The following DLGAP1 variants were observed in gnomAD, a reference collection of about 807,000 sequenced individuals.
DLGAP1 encodes DLG associated protein 1, also known as disks large-associated protein 1.
DLGAP1 carries 11 observed loss-of-function variants against 90.8 expected under a neutral mutation model. That is an observed-to-expected ratio of 0.12 (90% CI 0.08 to 0.20). The LOEUF (loss-of-function observed/expected upper bound fraction) is 0.20. Ranked by LOEUF, DLGAP1 falls within the 10% of genes least tolerant of loss-of-function variation. The pLI is 1.00. For synonymous variants in DLGAP1, 558 were observed against 540.7 expected (o/e 1.03, Z -0.44); for missense variants, 1,050 against 1,333.8 (o/e 0.79, Z 3.31).
At chr18:4,089,421 TG>T (rs1341043405) in intron 2 of DLGAP1, among the ~76,000 whole-genome samples, 6 of 152,132 alleles carry the variant, frequency 3.9e-5, no homozygotes, top group Non-Finnish European at 7.4e-5. Context: ...AAACTACCAT[TG>T]ACATTCTTCG....
At position 3,879,448 on chromosome 18, in the gene DLGAP1, G is replaced by A. The variant is rs1002506210; in HGVS notation, c.621C>T (p.Asn207=). 57 of 1,607,512 alleles carry A rather than the reference G, an allele frequency of 3.5e-5. No homozygotes were observed. The highest frequency in any genetic ancestry group is 4.6e-5 in the Non-Finnish European group (54 of 1,179,952). ...TSPGWWSSDD[N]LDGDMCIYHA... ...GGTAGATGCACATGTCACCATCCAGGTTGTCGTCCGAGCTCCACCAGCCCG... is the reference window on the plus strand; with the variant it reads ...GGTAGATGCACATGTCACCATCCAGATTGTCGTCCGAGCTCCACCAGCCCG... The change falls in exon 4 of 13, where the codon AAC becomes AAT. Residue 207 remains asparagine (N), a synonymous_variant. Coordinates refer to ENST00000315677, the MANE Select transcript of DLGAP1 (RefSeq NM_004746.4). The surrounding 1 kb of genome is among the most constrained non-coding windows in gnomAD (Gnocchi z 6.6).
intron 1 of DLGAP1, among the ~76,000 whole-genome samples, chr18:4,262,775 G>A (rs2079027945): frequency 6.6e-6 from 1 of 152,086 alleles, no homozygotes; most frequent in East Asian, 1.9e-4. Flanking sequence ...CTCAATTTCA[G>A]CATGCCTCTG....
intron 4 of DLGAP1, among the ~76,000 whole-genome samples, chr18:3,836,141 A>G (rs1439539994): frequency 6.6e-6 from 1 of 152,210 alleles, no homozygotes; most frequent in Non-Finnish European, 1.5e-5. Context: ...CTGGGTAGGT[A>G]TACAGGAGAA....
At chr18:4,020,755 G>A (rs1244404978) in intron 2 of DLGAP1, among the ~76,000 whole-genome samples, 2 of 152,146 alleles carry the variant, frequency 1.3e-5, no homozygotes, top group Non-Finnish European at 2.9e-5. Flanking sequence ...GGGACCAGTC[G>A]GCCTTTGTAG....
chr18:3,726,392 A>G (rs1266074398), intron 7 of DLGAP1, among the ~76,000 whole-genome samples: 1 of 152,142 alleles, frequency 6.6e-6, no homozygotes, highest in African/African-American at 2.4e-5. Flanking sequence ...AAGAAAATGA[A>G]TATGACAGTA....
intron 3 of DLGAP1, chr18:3,978,372 G>T (rs774148937): frequency 6.2e-5 from 21 of 338,112 alleles, no homozygotes; most frequent in Non-Finnish European, 8.8e-5. Flanking sequence ...ATTTTCGTGG[G>T]ATCTCGCCTT....
chr18:4,304,704 G>A (rs1376430856), intron 1 of DLGAP1, among the ~76,000 whole-genome samples: 1 of 152,210 alleles, frequency 6.6e-6, no homozygotes, highest in South Asian at 2.1e-4. Context: ...GCTGAGGAGG[G>A]TGGATCACCT....
At chr18:4,117,113 T>A (rs921711864) in intron 2 of DLGAP1, among the ~76,000 whole-genome samples, 7 of 152,114 alleles carry the variant, frequency 4.6e-5, no homozygotes, top group Non-Finnish European at 8.8e-5. Context: ...AAAGGGAAGA[T>A]CACGTGAAGA....
At chr18:4,291,537 GATT>G (rs2079848693) in intron 1 of DLGAP1, among the ~76,000 whole-genome samples, 1 of 151,544 alleles carries the variant, frequency 6.6e-6, no homozygotes, top group African/African-American at 2.4e-5. Flanking sequence ...ATAAATTTTG[GATT>G]ATTTTATACA....
chr18:3,638,812 C>T (rs1416826841), intron 7 of DLGAP1, among the ~76,000 whole-genome samples: 1 of 152,176 alleles, frequency 6.6e-6, no homozygotes, highest in African/African-American at 2.4e-5. Context: ...GTATTTGATT[C>T]CTACATTATC....
Position 3,534,537 on chromosome 18 carries a change from A to G in DLGAP1, c.2136T>C (p.Asn712=). 1 of 1,614,000 alleles carries G rather than the reference A, an allele frequency of 6.2e-7. No individual in the cohort carries two copies. Among genetic ancestry groups the G allele is most frequent in the Non-Finnish European group, 8.5e-7 (1 of 1,179,940 alleles). ...AATTGTCCTCTATAGATTCCAGAGAATTTTCCAGATTATCATGGAAGTCCA... is the reference window on the plus strand; with the variant it reads ...AATTGTCCTCTATAGATTCCAGAGAGTTTTCCAGATTATCATGGAAGTCCA... ...ADLDFHDNLE[N]SLESIEDNSC... Residue 712 remains asparagine, a synonymous_variant, in exon 10 of 13, where the codon AAT becomes AAC. Transcript: ENST00000315677.
chr18:4,076,986 T>C (rs184382961), intron 2 of DLGAP1, among the ~76,000 whole-genome samples: 193 of 152,254 alleles, frequency 1.3e-3, no homozygotes, highest in African/African-American at 4.4e-3. Context: ...TCAATGTTTG[T>C]TACTTCGCAA....
intron 3 of DLGAP1, among the ~76,000 whole-genome samples, chr18:3,991,146 T>C (rs979702733): frequency 1.3e-5 from 2 of 152,000 alleles, no homozygotes; most frequent in African/African-American, 4.8e-5. Context: ...AAAATTTGTT[T>C]TAATTTCTAA....
rs990036914 is a variant in DLGAP1 at position 4,057,304 on chromosome 18, T to C, written c.-158-52103A>G. Among the ~76,000 whole-genome samples, 16 of 152,320 alleles carry C rather than the reference T, an allele frequency of 1.1e-4. 6 individuals carry two copies. The highest frequency in any genetic ancestry group is 6.5e-5 in the Admixed American group (1 of 15,298). ...GAGTTGAAGTACACCCAAGCATGCA[T>C]TAAGAGGCAAAATGGCAGGCTTTAA... On this transcript the variant is annotated intron_variant, in intron 2 of 12. Coordinates refer to ENST00000315677, the MANE Select transcript of DLGAP1 (RefSeq NM_004746.4).
At chr18:4,313,147 A>G in intron 1 of DLGAP1, among the ~76,000 whole-genome samples, 1 of 152,226 alleles carries the variant, frequency 6.6e-6, no homozygotes, top group East Asian at 1.9e-4. Context: ...TTGGCATATT[A>G]TCAGTAAACA....
chr18:4,044,416 C>T (rs1041398468), intron 2 of DLGAP1, among the ~76,000 whole-genome samples: 5 of 152,132 alleles, frequency 3.3e-5, no homozygotes, highest in Non-Finnish European at 5.9e-5. Flanking sequence ...CCAAATTGCC[C>T]GGTGTTGAGA....
rs375422610 is a variant in DLGAP1, at chr18:3,756,174, C to T, written c.1173-13662G>A. On this transcript the variant is annotated intron_variant, in intron 5 of 12. Coordinates refer to ENST00000315677, the MANE Select transcript of DLGAP1 (RefSeq NM_004746.4). ...ACGCCATTCTCCTGCCTCAGCCTCC[C>T]GAGTAGCTGGGACTACAGGTGCCCA... Among the ~76,000 whole-genome samples the T allele has an allele frequency of 1.8e-4, 27 of 152,104 alleles. 2 individuals carry two copies. The East Asian group carries it at 4.4e-3, about 25-fold the overall frequency.
intron 3 of DLGAP1, among the ~76,000 whole-genome samples, chr18:3,898,418 A>G (rs1485014387): frequency 6.6e-6 from 1 of 152,140 alleles, no homozygotes; most frequent in Non-Finnish European, 1.5e-5. Flanking sequence ...TATTATCTTC[A>G]TTTCCCAGAG....
At chr18:4,124,915 C>A (rs770337272) in intron 2 of DLGAP1, among the ~76,000 whole-genome samples, 5 of 152,156 alleles carry the variant, frequency 3.3e-5, no homozygotes, top group Non-Finnish European at 5.9e-5. Context: ...GACCATCCAC[C>A]ACTAGCCAGA....
Sources: allele counts gnomAD v4.1 joint callset (sites outside exome capture counted in the v4.1 genomes callset), GRCh38; gene constraint gnomAD v4.1.1; non-coding constraint Gnocchi (gnomAD v3.1); transcripts MANE v1.5; gene names NCBI Gene and HGNC (gene_info 2026-07-23, HGNC 2026-07-21).